The following SMYD4 variants were observed in gnomAD, a reference collection of about 807,000 sequenced individuals.
SMYD4 encodes the protein SET and MYND domain containing 4.
SMYD4 carries 68 observed loss-of-function variants against 72.8 expected under a neutral mutation model. The ratio of observed to expected loss-of-function variants is 0.93; its 90% CI spans 0.77 to 1.14. The LOEUF is 1.14. SMYD4 is among the 50% of genes most tolerant of loss of function. The probability of loss-of-function intolerance (pLI) is 0.00; values close to 1 mark genes in which losing one functional copy is unlikely to be tolerated. For missense variants in SMYD4, 984 were observed against 1,003.7 expected, an observed-to-expected ratio of 0.98 and a Z score of 0.27; for synonymous variants, 407 against 388.6, an observed-to-expected ratio of 1.05 and a Z score of -0.56.
chr17:1,828,597 C>CTT (rs1567793113), intron 1 of SMYD4, among the ~76,000 whole-genome samples: 1 of 80,772 alleles, frequency 1.2e-5, no homozygotes, highest in Non-Finnish European at 3.5e-5. Context: ...CTCTTAGATC[C>CTT]TCTTTTTTTT....
chr17:1,807,424 C>A (rs187970042), intron 3 of SMYD4, among the ~76,000 whole-genome samples: 10 of 152,024 alleles, frequency 6.6e-5, no homozygotes, highest in African/African-American at 9.7e-5. Context: ...TACCGCCCCC[C>A]CCGGCCCCCA....
chr17:1,783,254 C>T (rs1183596972), intron 9 of SMYD4, 96 bp from the exon 10 acceptor site: 1 of 1,611,276 alleles, frequency 6.2e-7, no homozygotes, highest in Non-Finnish European at 8.5e-7. Flanking sequence ...GGGGGAGCAC[C>T]CTCAGTTTAC....
intron 6 of SMYD4, 140 bp from the exon 7 acceptor site, chr17:1,787,113 A>C: frequency 8.7e-7 from 1 of 1,151,204 alleles, no homozygotes. Context: ...GTGGAACTGG[A>C]TACTAAAATA....
chr17:1,796,233 A>G (rs1909398435), intron 5 of SMYD4, among the ~76,000 whole-genome samples: 1 of 151,446 alleles, frequency 6.6e-6, no homozygotes, highest in Admixed American at 6.6e-5. Context: ...TCTTCGGCTC[A>G]AGCAATCCTC....
intron 2 of SMYD4, among the ~76,000 whole-genome samples, chr17:1,819,707 T>C (rs976807128): frequency 1.3e-5 from 2 of 152,240 alleles, no homozygotes; most frequent in Non-Finnish European, 2.9e-5. Flanking sequence ...CTGGCAATCT[T>C]TGGTAAAGAC....
intron 2 of SMYD4, among the ~76,000 whole-genome samples, chr17:1,819,001 C>T (rs116426634): frequency 2.0e-5 from 3 of 151,848 alleles, no homozygotes; most frequent in African/African-American, 7.2e-5. Context: ...ACCAGAAAAA[C>T]GTTTCACATT....
chr17:1,827,275 G>C (rs1455724095), intron 2 of SMYD4, among the ~76,000 whole-genome samples: 1 of 151,380 alleles, frequency 6.6e-6, no homozygotes, highest in Admixed American at 6.6e-5. Flanking sequence ...CCGGGAGGCG[G>C]AGGCAGTGGG....
At chr17:1,821,082 G>C (rs1053832661) in intron 2 of SMYD4, among the ~76,000 whole-genome samples, 3 of 152,168 alleles carry the variant, frequency 2.0e-5, no homozygotes, top group African/African-American at 7.2e-5. Context: ...GTACAAGAAA[G>C]GAAATGTAAT....
At chr17:1,817,436 G>A (rs1293071522) in intron 2 of SMYD4, among the ~76,000 whole-genome samples, 1 of 151,994 alleles carries the variant, frequency 6.6e-6, no homozygotes, top group Non-Finnish European at 1.5e-5. Flanking sequence ...TGACCTCCCA[G>A]GCTCAAGTAA....
rs147897409 is a variant in SMYD4 at position 1,825,503 on chromosome 17, TTTTC to T, written c.134+2354_134+2357del. Among the ~76,000 whole-genome samples the T allele has an allele frequency of 1.0e-3, 121 of 115,656 alleles. 1 individual carries two copies. The highest frequency in any genetic ancestry group is 3.3e-3 in the East Asian group (15 of 4,500). The allele number at this position is 115,656 out of a possible 152,430, so 75.9% of individuals were successfully genotyped here. A position where few individuals can be genotyped will look rare whatever the true frequency, so the allele number is the denominator to read the frequency against. ...CATTTTTATACAGCCATATCTGTCA[TTTTC>T]TTTCTTTTTTTTTTTTTTTTTTGAG... On this transcript the variant is annotated intron_variant, in intron 2 of 10. Coordinates refer to ENST00000305513, the MANE Select transcript of SMYD4 (RefSeq NM_052928.3).
At chr17:1,797,799 C>T (rs1037638180) in intron 5 of SMYD4, among the ~76,000 whole-genome samples, 9 of 151,998 alleles carry the variant, frequency 5.9e-5, no homozygotes, top group African/African-American at 1.7e-4. Context: ...GTCAGGAGTT[C>T]GAGACCAGCC....
intron 2 of SMYD4, among the ~76,000 whole-genome samples, chr17:1,812,753 T>A (rs1273164530): frequency 6.6e-6 from 1 of 151,926 alleles, no homozygotes; most frequent in East Asian, 1.9e-4. Context: ...TTCACCATGT[T>A]AGCCAGGCTG....
At chr17:1,821,930 CAA>C (rs59561167) in intron 2 of SMYD4, among the ~76,000 whole-genome samples, 1 of 131,622 alleles carries the variant, frequency 7.6e-6, no homozygotes. Flanking sequence ...GATTCTGTCT[CAA>C]AAAAAAAAAA....
At chr17:1,803,915 T>TGG (rs1162502872) in intron 4 of SMYD4, among the ~76,000 whole-genome samples, 1 of 151,360 alleles carries the variant, frequency 6.6e-6, no homozygotes, top group Admixed American at 6.6e-5. Flanking sequence ...CAGAGTCTGT[T>TGG]GCCAGGCTGG....
At chr17:1,824,382 C>T (rs719912) in intron 2 of SMYD4, among the ~76,000 whole-genome samples, 107,469 of 151,942 alleles carry the variant, frequency 0.71, 38,944 homozygotes, top group Non-Finnish European at 0.79. Context: ...TATAAAGTCA[C>T]AGTAATTAAA....
Position 1,781,196 on chromosome 17 carries a change from C to T in SMYD4, c.*90G>A. 3.3e-6 allele frequency: 5 copies of T among 1,504,008 alleles called. No homozygotes were observed. The highest frequency in any genetic ancestry group is 2.3e-5 in the East Asian group (1 of 43,432). 93.2% of individuals were successfully genotyped at this position (1,504,008 alleles called of 1,614,324 possible). The stretch of plus-strand genomic sequence containing the variant: ...TTAGCCTCCCAAAGTGCTGGGATTA[C>T]AGGCGTGAGCCACCATACCTGGCCA... On this transcript the variant is annotated 3_prime_UTR_variant, in exon 11 of 11. Transcript: ENST00000305513.
intron 3 of SMYD4, among the ~76,000 whole-genome samples, chr17:1,807,963 T>C (rs1910129674): frequency 6.6e-6 from 1 of 152,102 alleles, no homozygotes; most frequent in Non-Finnish European, 1.5e-5. Flanking sequence ...TAAATCGATA[T>C]AATAATAAAA....
At position 1,808,286 on chromosome 17, in the gene SMYD4, G is replaced by A. The variant is rs189218181; in HGVS notation, c.280-3571C>T. Among the ~76,000 whole-genome samples, 489 of 152,226 alleles carry A rather than the reference G, an allele frequency of 3.2e-3. 1 individual carries two copies. Among genetic ancestry groups the A allele is most frequent in the African/African-American group, 0.011 (468 of 41,526 alleles). The stretch of plus-strand genomic sequence containing the variant: ...TCTGTCATGGAACACTAAGCCAGCC[G>A]TAAAGAACCATGTTCCAGTGGAAAA... On this transcript the variant is annotated intron_variant, in intron 3 of 10. Coordinates refer to ENST00000305513, the MANE Select transcript of SMYD4 (RefSeq NM_052928.3).
chr17:1,788,927 C>T (rs775024846), intron 5 of SMYD4, among the ~76,000 whole-genome samples: 25 of 152,252 alleles, frequency 1.6e-4, no homozygotes, highest in Admixed American at 3.3e-4. Flanking sequence ...CTTAAATTAT[C>T]TTCAGTAGTC....
Sources: allele counts gnomAD v4.1 joint callset (sites outside exome capture counted in the v4.1 genomes callset), GRCh38; gene constraint gnomAD v4.1.1; transcripts MANE v1.5; gene names NCBI Gene and HGNC (gene_info 2026-07-23, HGNC 2026-07-21).